Variants in ARRB1 observed in about 807,000 individuals in gnomAD.
ARRB1 encodes arrestin beta 1.
Under a neutral mutation model 56.8 loss-of-function variants are expected in ARRB1, and 21 were observed. The observed-to-expected ratio is 0.37, with a 90% CI of 0.26 to 0.53. The LOEUF is 0.53. ARRB1 is among the 20% of genes least tolerant of loss of function. The pLI is 0.88. For synonymous variants in ARRB1, 210 were observed against 218.6 expected, an observed-to-expected ratio of 0.96 and a Z score of 0.35; for missense variants, 424 against 553.7, an observed-to-expected ratio of 0.77 and a Z score of 2.35.
rs1019893166 is a variant in ARRB1, at chr11:75,312,029, C to G, written c.21-21990G>C. Reference sequence around the variant, plus strand: ...CGAAGGCCCAGATCGGAGGCCCTGCCCAGCCTCTTCCCCTCCTCTAAGTGC... The same window carrying G: ...CGAAGGCCCAGATCGGAGGCCCTGCGCAGCCTCTTCCCCTCCTCTAAGTGC... On this transcript the variant is annotated intron_variant, in intron 1 of 15. Transcript: ENST00000420843. 3.9e-6 allele frequency: 5 copies of G among 1,288,590 alleles called. No individual in the cohort carries two copies. The African/African-American group carries it at 7.6e-5, about 20-fold the overall frequency. The allele number at this position is 1,288,590 out of a possible 1,614,324, so 79.8% of individuals were successfully genotyped here. A position where few individuals can be genotyped will look rare whatever the true frequency, so the allele number is the denominator to read the frequency against.
At chr11:75,275,120 TAAA>T (rs1946167409) in intron 10 of ARRB1, among the ~76,000 whole-genome samples, 3 of 144,516 alleles carry the variant, frequency 2.1e-5, no homozygotes, top group African/African-American at 7.7e-5. Context: ...AAATTTAATT[TAAA>T]TTTATTTTAT....
At chr11:75,290,499 G>A (rs535835406) in intron 1 of ARRB1, among the ~76,000 whole-genome samples, 3 of 152,190 alleles carry the variant, frequency 2.0e-5, no homozygotes, top group South Asian at 2.1e-4. Context: ...GGCTCTCCCC[G>A]AGACATCTGC....
intron 1 of ARRB1, among the ~76,000 whole-genome samples, chr11:75,343,908 C>T (rs1032555359): frequency 1.2e-4 from 18 of 151,978 alleles, no homozygotes; most frequent in Non-Finnish European, 2.4e-4. Context: ...CTCCGCCTCC[C>T]GGGTTCATGC....
intron 1 of ARRB1, among the ~76,000 whole-genome samples, chr11:75,350,964 G>A (rs867134901): frequency 1.3e-5 from 2 of 152,312 alleles, no homozygotes; most frequent in African/African-American, 2.4e-5. Context: ...GTGGCCTTGC[G>A]CTCCGCTGTG....
intron 1 of ARRB1, among the ~76,000 whole-genome samples, chr11:75,346,854 T>C (rs1282441542): frequency 6.6e-6 from 1 of 152,210 alleles, no homozygotes; most frequent in Non-Finnish European, 1.5e-5. Context: ...ACCTTGATTC[T>C]TACCCCAGGA....
At chr11:75,328,756 T>A (rs1389632864) in intron 1 of ARRB1, among the ~76,000 whole-genome samples, 1 of 151,848 alleles carries the variant, frequency 6.6e-6, no homozygotes, top group African/African-American at 2.4e-5. Flanking sequence ...AGCCAAGGAG[T>A]CCCAGGATCC....
intron 12 of ARRB1, 110 bp from the exon 13 acceptor site, chr11:75,271,834 C>T (rs1946080001): frequency 8.3e-7 from 1 of 1,210,220 alleles, no homozygotes; most frequent in Non-Finnish European, 1.2e-6. Context: ...TAGAGAAGAC[C>T]CACGGGACAC....
intron 1 of ARRB1, among the ~76,000 whole-genome samples, chr11:75,294,762 T>C (rs1011893022): frequency 2.0e-5 from 3 of 152,150 alleles, no homozygotes; most frequent in African/African-American, 7.2e-5. Context: ...TCTCTGGTCC[T>C]ATGAAGTTAG....
At chr11:75,320,511 G>C (rs895924387) in intron 1 of ARRB1, among the ~76,000 whole-genome samples, 1 of 152,208 alleles carries the variant, frequency 6.6e-6, no homozygotes, top group African/African-American at 2.4e-5. Flanking sequence ...TGAAAGCTTG[G>C]GGGGCTGGAT....
chr11:75,304,869 G>A lies in ARRB1; in HGVS notation c.21-14830C>T, dbSNP rs990229257. Among the ~76,000 whole-genome samples the A allele has an allele frequency of 3.3e-5, 5 of 151,218 alleles. 1 individual carries two copies. Among genetic ancestry groups the A allele is most frequent in the African/African-American group, 1.2e-4 (5 of 41,148 alleles). On this transcript the variant is annotated intron_variant, in intron 1 of 15. Coordinates refer to ENST00000420843, the MANE Select transcript of ARRB1 (RefSeq NM_004041.5). ...GCTTGAACCCAGGAGTTTGAGACCA[G>A]GCTGGGCAACAACCTGTCTTTAAAA...
chr11:75,279,091 CCT>C (rs1229405700), intron 7 of ARRB1, among the ~76,000 whole-genome samples: 1 of 152,178 alleles, frequency 6.6e-6, no homozygotes, highest in Admixed American at 6.5e-5. Context: ...AAATAGTGTC[CCT>C]CTGTCATCTA....
chr11:75,303,176 G>GT (rs1946945496), intron 1 of ARRB1, among the ~76,000 whole-genome samples: 1 of 151,884 alleles, frequency 6.6e-6, no homozygotes, highest in Non-Finnish European at 1.5e-5. Context: ...TAATTATTGT[G>GT]TTTTTAGTAG....
intron 1 of ARRB1, among the ~76,000 whole-genome samples, chr11:75,297,544 T>G (rs1946782013): frequency 6.6e-6 from 1 of 151,952 alleles, no homozygotes; most frequent in South Asian, 2.1e-4. Context: ...CAAAGTTAGA[T>G]CCCGACCTCA....
intron 1 of ARRB1, among the ~76,000 whole-genome samples, chr11:75,311,883 T>TAC (rs932160820): frequency 2.0e-5 from 3 of 152,062 alleles, no homozygotes; most frequent in Non-Finnish European, 2.9e-5. Flanking sequence ...ATCCCCAGCA[T>TAC]ACACACACAC....
At chr11:75,266,352 G>A (rs918646213) in intron 15 of ARRB1, 78 bp from the exon 16 acceptor site, 19 of 1,185,002 alleles carry the variant, frequency 1.6e-5, no homozygotes, top group Middle Eastern at 2.0e-4. Flanking sequence ...CCGGCCAGAT[G>A]TGACTCAGAG....
chr11:75,293,095 A>C (rs1237334262), intron 1 of ARRB1, among the ~76,000 whole-genome samples: 5 of 152,078 alleles, frequency 3.3e-5, no homozygotes, highest in African/African-American at 1.2e-4. Context: ...TGGCCAGGGT[A>C]GGAAGTGTGG....
intron 12 of ARRB1, 27 bp from the exon 13 acceptor site, chr11:75,271,751 AGTG>A: frequency 1.3e-6 from 2 of 1,565,778 alleles, no homozygotes; most frequent in South Asian, 2.4e-5. Flanking sequence ...AGGCAGGAGA[AGTG>A]GTCAGGAGAG....
chr11:75,343,127 C>A (rs115091664), intron 1 of ARRB1, among the ~76,000 whole-genome samples: 1 of 152,162 alleles, frequency 6.6e-6, no homozygotes, highest in African/African-American at 2.4e-5. Context: ...ATCCAGGGTG[C>A]TCTTGAAAAG....
At chr11:75,292,411 G>T (rs915395161) in intron 1 of ARRB1, among the ~76,000 whole-genome samples, 1 of 152,290 alleles carries the variant, frequency 6.6e-6, no homozygotes, top group Non-Finnish European at 1.5e-5. Context: ...AAAGTGCTGG[G>T]ATTACAGGCG....
Sources: allele counts gnomAD v4.1 joint callset (sites outside exome capture counted in the v4.1 genomes callset), GRCh38; gene constraint gnomAD v4.1.1; transcripts MANE v1.5; gene names NCBI Gene and HGNC (gene_info 2026-07-23, HGNC 2026-07-21).